The following SLC4A3 variants were observed in gnomAD, a reference collection of about 807,000 sequenced individuals.
SLC4A3 encodes the protein anion exchange protein 3.
A neutral mutation model predicts 114.2 loss-of-function variants in SLC4A3; 47 were observed. That is an observed-to-expected ratio of 0.41 (90% CI 0.33 to 0.52). SLC4A3 has a LOEUF of 0.52. Ranked by LOEUF, SLC4A3 falls within the 20% of genes least tolerant of loss-of-function variation. The pLI, the probability that SLC4A3 is intolerant of heterozygous loss-of-function variation, is 0.21. For synonymous variants in SLC4A3, 693 were observed against 710.3 expected, an observed-to-expected ratio of 0.98 and a Z score of 0.39; for missense variants, 1,312 against 1,668.3, an observed-to-expected ratio of 0.79 and a Z score of 3.72.
rs762597778 is a variant in SLC4A3 at position 219,633,339 on chromosome 2, C to T, written c.1343C>T (p.Ser448Leu). Reference sequence around the variant, plus strand: ...AACCCATCGAGCTCCAGCATGAACTCGGTTCTGGGGAATCATCACCCAACT... The same window carrying T: ...AACCCATCGAGCTCCAGCATGAACTTGGTTCTGGGGAATCATCACCCAACT... ...PRNPSSSSMNSVLGNHHPTPS... is the reference protein window; with the variant it reads ...PRNPSSSSMNLVLGNHHPTPS... Residue 448 changes from serine (S) to leucine (L), a missense_variant, in exon 10 of 23, where the codon TCG becomes TTG. Around this residue, in one of 4 missense-constraint regions of SLC4A3, gnomAD observed 771 missense variants for 977.7 expected, o/e 0.79. Transcript: ENST00000358055. 17 of 1,605,768 alleles carry T rather than the reference C, an allele frequency of 1.1e-5. No homozygotes were observed. The highest frequency in any genetic ancestry group is 8.4e-5 in the Admixed American group (5 of 59,248).
chr2:219,633,873 T>C lies in SLC4A3; in HGVS notation c.1462-7T>C. The C allele has an allele frequency of 6.4e-7, 1 of 1,554,548 alleles. No homozygotes were observed. Among genetic ancestry groups the C allele is most frequent in the Non-Finnish European group, 8.7e-7 (1 of 1,148,506 alleles). On this transcript the variant is annotated splice_region_variant and splice_polypyrimidine_tract_variant and intron_variant, in intron 10 of 22. Coordinates refer to ENST00000358055, the MANE Select transcript of SLC4A3 (RefSeq NM_005070.4). ...GTCCCAGCCCTATTCCAGTTCTGCGTCCTCAGAAGCCCCTCCACATGCCTG... is the reference window on the plus strand; with the variant it reads ...GTCCCAGCCCTATTCCAGTTCTGCGCCCTCAGAAGCCCCTCCACATGCCTG...
At position 219,638,014 on chromosome 2, in the gene SLC4A3, G is replaced by C; in HGVS notation, c.2767-150G>C. 1 of 724,508 alleles carries C rather than the reference G, an allele frequency of 1.4e-6. No individual in the cohort carries two copies. The highest frequency in any genetic ancestry group is 1.7e-5 in the South Asian group (1 of 58,708). The allele number at this position is 724,508 out of a possible 1,614,324, so 44.9% of individuals were successfully genotyped here. ...TCTAATCAAGACAACAGCCTCCCAGGCTGCGCTGGCACCTGTGGGGTTGAG... is the reference window on the plus strand; with the variant it reads ...TCTAATCAAGACAACAGCCTCCCAGCCTGCGCTGGCACCTGTGGGGTTGAG... On this transcript the variant is annotated intron_variant, in intron 17 of 22. Transcript: ENST00000358055. This position sits in a 1 kb window ranked among gnomAD's most constrained non-coding sequence, Gnocchi z 7.5.
chr2:219,635,992 G>A (rs1207015495), intron 14 of SLC4A3, 101 bp downstream of exon 14: 11 of 959,206 alleles, frequency 1.1e-5, no homozygotes, highest in South Asian at 1.8e-5. Context: ...ACATTAGGGG[G>A]CCAATGGTTA....
At position 219,628,322 on chromosome 2, in the gene SLC4A3, C is replaced by T; in HGVS notation, c.52-83C>T. ...CGATGGTGTGAGAGCCTGCTGAGCT[C>T]CCCCAACTAGGGCTTGGAGTTGGGG... On this transcript the variant is annotated intron_variant, in intron 2 of 22. Coordinates refer to ENST00000358055, the MANE Select transcript of SLC4A3 (RefSeq NM_005070.4). This position sits in a 1 kb window ranked among gnomAD's most constrained non-coding sequence, Gnocchi z 4.8. 7.2e-7 allele frequency: 1 copy of T among 1,388,134 alleles called. No homozygotes were observed. Among genetic ancestry groups the T allele is most frequent in the South Asian group, 1.5e-5 (1 of 68,908 alleles). The allele number at this position is 1,388,134 out of a possible 1,614,324, so 86.0% of individuals were successfully genotyped here. A position where few individuals can be genotyped will look rare whatever the true frequency, so the allele number is the denominator to read the frequency against.
chr2:219,628,857 C>G lies in SLC4A3; in HGVS notation c.217+287C>G. The G allele has an allele frequency of 1.7e-6, 1 of 582,582 alleles. No homozygotes were observed. Among genetic ancestry groups the G allele is most frequent in the Non-Finnish European group, 3.0e-6 (1 of 333,520 alleles). The allele number at this position is 582,582 out of a possible 1,614,324, so 36.1% of individuals were successfully genotyped here. On this transcript the variant is annotated intron_variant, in intron 3 of 22. Coordinates refer to ENST00000358055, the MANE Select transcript of SLC4A3 (RefSeq NM_005070.4). This position sits in a 1 kb window ranked among gnomAD's most constrained non-coding sequence, Gnocchi z 4.8. ...TCCCCTTCGTCCCCACTCACTCCCT[C>G]CTTGTCCCACCTCGGCTAGTCCAAC...
At position 219,632,921 on chromosome 2, in the gene SLC4A3, C is replaced by T. The variant is rs771889289; in HGVS notation, c.1189C>T (p.His397Tyr). Residue 397 changes from histidine to tyrosine, a missense_variant, in exon 9 of 23, where the codon CAC becomes TAC. Around this residue, in one of 4 missense-constraint regions of SLC4A3, gnomAD observed 771 missense variants for 977.7 expected, o/e 0.79. Coordinates refer to ENST00000358055, the MANE Select transcript of SLC4A3 (RefSeq NM_005070.4). ...LEQTTLPGIA[H>Y]LVVETMIVSD... ...GCAAACCACCCTGCCAGGCATTGCA[C>T]ACCTCGTGGTGGAGACCATGATTGT... 1 of 1,614,178 alleles carries T rather than the reference C, an allele frequency of 6.2e-7. No individual in the cohort carries two copies. Among genetic ancestry groups the T allele is most frequent in the Non-Finnish European group, 8.5e-7 (1 of 1,180,040 alleles).
chr2:219,631,887 G>C lies in SLC4A3; in HGVS notation c.812-81G>C, dbSNP rs1698934392. Reference sequence around the variant, plus strand: ...TGACTGTAGAGCTCACCAAGTAGATGGGTTGGGCAGAAGGAGCTGGGCCGT... The same window carrying C: ...TGACTGTAGAGCTCACCAAGTAGATCGGTTGGGCAGAAGGAGCTGGGCCGT... On this transcript the variant is annotated intron_variant, in intron 6 of 22. Transcript: ENST00000358055. The surrounding 1 kb of genome is among the most constrained non-coding windows in gnomAD (Gnocchi z 6.3). 4.1e-6 allele frequency: 6 copies of C among 1,459,356 alleles called. No homozygotes were observed. The highest frequency in any genetic ancestry group is 5.5e-6 in the Non-Finnish European group (6 of 1,082,122). The allele number at this position is 1,459,356 out of a possible 1,614,324, so 90.4% of individuals were successfully genotyped here. A position where few individuals can be genotyped will look rare whatever the true frequency, so the allele number is the denominator to read the frequency against.
In SLC4A3 at chr2:219,630,455, T is replaced by A; in HGVS notation, c.811+103T>A. ...GAGCTGTCCCCTGCTAAGGGCTGAG[T>A]CCTCTCTGAATCCCTGTCTGCTGGG... On this transcript the variant is annotated intron_variant, in intron 6 of 22. Coordinates refer to ENST00000358055, the MANE Select transcript of SLC4A3 (RefSeq NM_005070.4). This position sits in a 1 kb window ranked among gnomAD's most constrained non-coding sequence, Gnocchi z 6.9. The A allele has an allele frequency of 8.1e-7, 1 of 1,239,086 alleles. No homozygotes were observed. 76.8% of individuals were successfully genotyped at this position (1,239,086 alleles called of 1,614,324 possible).
At position 219,641,389 on chromosome 2, in the gene SLC4A3, A is replaced by G. The variant is rs182150770; in HGVS notation, c.3622-262A>G. 6.6e-6 allele frequency among the ~76,000 whole-genome samples: 1 copy of G among 152,344 alleles called. No homozygotes were observed. The highest frequency in any genetic ancestry group is 1.5e-5 in the Non-Finnish European group (1 of 68,026). On this transcript the variant is annotated intron_variant, in intron 22 of 22. Transcript: ENST00000358055. This position sits in a 1 kb window ranked among gnomAD's most constrained non-coding sequence, Gnocchi z 4.0. Reference sequence around the variant, plus strand: ...CTCAAACATGGTGTACAAAGGTACCATAGCAACTAGAAGTGGCCTCAGGAA... The same window carrying G: ...CTCAAACATGGTGTACAAAGGTACCGTAGCAACTAGAAGTGGCCTCAGGAA...
Position 219,628,513 on chromosome 2 carries a change from C to A in SLC4A3, c.160C>A (p.Pro54Thr), listed in dbSNP as rs1452196135. Residue 54 changes from proline (P) to threonine (T), a missense_variant, in exon 3 of 23, where the codon CCC becomes ACC. Physicochemically the swap from Pro to Thr is conservative, Grantham distance 38. Transcript: ENST00000358055. This position sits in a 1 kb window ranked among gnomAD's most constrained non-coding sequence, Gnocchi z 4.8. Reference sequence around the variant, plus strand: ...CAGGTTTGGGGACCTCATCAGCAAGCCCCCGGCCTGGGACCCCGAGAAGCC... The same window carrying A: ...CAGGTTTGGGGACCTCATCAGCAAGACCCCGGCCTGGGACCCCGAGAAGCC... ...VSRFGDLISK[P>T]PAWDPEKPSR... 1 of 1,613,558 alleles carries A rather than the reference C, an allele frequency of 6.2e-7. No homozygotes were observed.
Position 219,627,972 on chromosome 2 carries a change from T to G in SLC4A3, c.-21T>G, listed in dbSNP as rs374137029. 3.8e-4 allele frequency: 604 copies of G among 1,600,050 alleles called. 1 individual carries two copies. Among genetic ancestry groups the G allele is most frequent in the Admixed American group, 5.4e-4 (32 of 59,270 alleles). On this transcript the variant is annotated 5_prime_UTR_variant, in exon 2 of 23. Transcript: ENST00000358055. ...TCGGGTCCCCTAGTGAGCGAGAGCGTCCCCAGCCGCCTACCTGGCCATGGC... is the reference window on the plus strand; with the variant it reads ...TCGGGTCCCCTAGTGAGCGAGAGCGGCCCCAGCCGCCTACCTGGCCATGGC...
Position 219,628,753 on chromosome 2 carries a change from G to T in SLC4A3, c.217+183G>T. The T allele has an allele frequency of 1.4e-6, 1 of 696,752 alleles. No homozygotes were observed. Among genetic ancestry groups the T allele is most frequent in the Non-Finnish European group, 2.3e-6 (1 of 427,018 alleles). 43.2% of individuals were successfully genotyped at this position (696,752 alleles called of 1,614,324 possible). A position where few individuals can be genotyped will look rare whatever the true frequency, so the allele number is the denominator to read the frequency against. ...TGCCTCCCCCACCCATCGCCTGTCC[G>T]CCTGCCTGGGGAGGTGGGCCCCAGA... On this transcript the variant is annotated intron_variant, in intron 3 of 22. Transcript: ENST00000358055. The surrounding 1 kb of genome is among the most constrained non-coding windows in gnomAD (Gnocchi z 4.8).
Position 219,629,608 on chromosome 2 carries a change from G to C in SLC4A3, c.524G>C (p.Ser175Thr). The C allele has an allele frequency of 6.2e-7, 1 of 1,613,198 alleles. No individual in the cohort carries two copies. The highest frequency in any genetic ancestry group is 8.5e-7 in the Non-Finnish European group (1 of 1,179,646). The part of the protein sequence containing the change: ...KFSIGSDEDD[S>T]PGLPGRAAVT... ...TCCATTGGAAGTGACGAGGATGACA[G>C]TCCAGGCCTCCCTGGGAGGGCTGCT... Residue 175 changes from serine (S) to threonine (T), a missense_variant, in exon 5 of 23, where the codon AGT (serine) becomes ACT (threonine). By Grantham distance (58) the Ser-to-Thr change is moderately conservative. This residue lies in a region of SLC4A3 where 771 missense variants were observed against 977.7 expected (regional missense o/e 0.79). Coordinates refer to ENST00000358055, the MANE Select transcript of SLC4A3 (RefSeq NM_005070.4).
rs760252854 is a variant in SLC4A3 at position 219,631,103 on chromosome 2, T to C, written c.811+751T>C. 1.2e-5 allele frequency: 14 copies of C among 1,153,848 alleles called. No individual in the cohort carries two copies. Among genetic ancestry groups the C allele is most frequent in the Non-Finnish European group, 1.4e-5 (13 of 918,748 alleles). 71.5% of individuals were successfully genotyped at this position (1,153,848 alleles called of 1,614,324 possible). ...TGCCGCAGGGAGCAGGCTTGTGGAC[T>C]TGGGGAGTTGGGGTCGGGAGGCTGT... On this transcript the variant is annotated intron_variant, in intron 6 of 22. Transcript: ENST00000358055. This position sits in a 1 kb window ranked among gnomAD's most constrained non-coding sequence, Gnocchi z 6.3.
chr2:219,629,764 A>T, intron 5 of SLC4A3, 69 bp downstream of exon 5: 1 of 902,550 alleles, frequency 1.1e-6, no homozygotes, highest in Non-Finnish European at 1.6e-6. Flanking sequence ...CCTGGCAGTC[A>T]CCTCCTTCCT....
At position 219,630,342 on chromosome 2, in the gene SLC4A3, C is replaced by T. The variant is rs570377197; in HGVS notation, c.801C>T (p.Asp267=). 2.5e-5 allele frequency: 40 copies of T among 1,603,980 alleles called. No homozygotes were observed. The highest frequency in any genetic ancestry group is 1.7e-4 in the Middle Eastern group (1 of 5,996). ...EAQMLGSADL[D]DMKSHRLEDN... ...AGATGCTGGGTTCTGCAGACCTGGA[C>T]GACATGAAGAGTGAGTGAGACCTTG... Residue 267 remains aspartate, a synonymous_variant, in exon 6 of 23, where the codon GAC becomes GAT. Coordinates refer to ENST00000358055, the MANE Select transcript of SLC4A3 (RefSeq NM_005070.4). The surrounding 1 kb of genome is among the most constrained non-coding windows in gnomAD (Gnocchi z 6.9).
rs1260695540 is a variant in SLC4A3 at position 219,637,903 on chromosome 2, C to T, written c.2766+92C>T. ...AGGCTGCACCCCTTCCCCGGTCAGC[C>T]CATGGACCAAAACCCAGCTCGGGCA... On this transcript the variant is annotated intron_variant, in intron 17 of 22. Coordinates refer to ENST00000358055, the MANE Select transcript of SLC4A3 (RefSeq NM_005070.4). The surrounding 1 kb of genome is among the most constrained non-coding windows in gnomAD (Gnocchi z 4.6). The T allele has an allele frequency of 5.5e-6, 6 of 1,083,250 alleles. No individual in the cohort carries two copies. The highest frequency in any genetic ancestry group is 7.0e-6 in the Non-Finnish European group (5 of 717,886). 67.1% of individuals were successfully genotyped at this position (1,083,250 alleles called of 1,614,324 possible).
In SLC4A3 at chr2:219,638,661, T is replaced by G; in HGVS notation, c.2857-42T>G. The G allele has an allele frequency of 6.2e-7, 1 of 1,601,428 alleles. No homozygotes were observed. On this transcript the variant is annotated intron_variant, in intron 18 of 22. Transcript: ENST00000358055. The surrounding 1 kb of genome is among the most constrained non-coding windows in gnomAD (Gnocchi z 7.5). Reference sequence around the variant, plus strand: ...GGGCTGCTTGGTGGGCTTTCTAGCATGGGGAGGCTGTGTCCCTGAACCCTG... The same window carrying G: ...GGGCTGCTTGGTGGGCTTTCTAGCAGGGGGAGGCTGTGTCCCTGAACCCTG...
At position 219,629,984 on chromosome 2, in the gene SLC4A3, G is replaced by C. The variant is rs1698861711; in HGVS notation, c.612-169G>C. On this transcript the variant is annotated intron_variant, in intron 5 of 22. Transcript: ENST00000358055. The stretch of plus-strand genomic sequence containing the variant: ...GGGTGAGGAGAAAGGTGGAGGAAAG[G>C]GGGAGCCACGGGATGGGGAGGGGGC... 1.5e-5 allele frequency: 20 copies of C among 1,354,310 alleles called. No homozygotes were observed. The East Asian group carries it at 4.8e-4, about 32-fold the overall frequency. The allele number at this position is 1,354,310 out of a possible 1,614,324, so 83.9% of individuals were successfully genotyped here. A position where few individuals can be genotyped will look rare whatever the true frequency, so the allele number is the denominator to read the frequency against.
Sources: gnomAD v4.1 joint callset for allele counts (sites outside exome capture counted in the v4.1 genomes callset) on GRCh38, gnomAD v4.1.1 for gene constraint, gnomAD v4.1.1 regional missense constraint, Gnocchi (gnomAD v3.1) non-coding constraint, MANE v1.5 for transcripts, NCBI Gene and HGNC (gene_info 2026-07-23, HGNC 2026-07-21) for gene names.